CBL: variants seen among roughly 807,000 people sequenced by gnomAD.
CBL encodes the protein E3 ubiquitin-protein ligase CBL.
A neutral mutation model predicts 96.9 loss-of-function variants in CBL; 45 were observed. The observed-to-expected ratio is 0.46, with a 90% confidence interval of 0.37 to 0.60. CBL has a LOEUF of 0.60. Ranked by LOEUF, CBL falls within the 20% of genes least tolerant of loss-of-function variation. CBL has a pLI of 0.00. For synonymous variants in CBL, 420 were observed against 426.8 expected, an observed-to-expected ratio of 0.98 and a Z score of 0.20; for missense variants, 1,024 against 1,143.5, an observed-to-expected ratio of 0.90 and a Z score of 1.51.
intron 2 of CBL, among the ~76,000 whole-genome samples, chr11:119,255,617 A>G (rs1949705526): frequency 6.6e-6 from 1 of 152,110 alleles, no homozygotes; most frequent in Non-Finnish European, 1.5e-5. Flanking sequence ...TGGTAAGTCA[A>G]GCTAGTACAT....
In CBL at chr11:119,249,066, A is replaced by G. The variant is rs75127855; in HGVS notation, c.443+16371A>G. On this transcript the variant is annotated intron_variant, in intron 2 of 15. Coordinates refer to ENST00000264033, the MANE Select transcript of CBL (RefSeq NM_005188.4). ...TTAGAAAGCTGAACATAGAATTACC[A>G]TAGGATCTAGCAGTTCTTCTAGGTA... Among the ~76,000 whole-genome samples, 697 of 152,330 alleles carry G rather than the reference A, an allele frequency of 4.6e-3. 22 individuals are homozygous for G. Among genetic ancestry groups the G allele is most frequent in the East Asian group, 0.04 (205 of 5,184 alleles).
intron 2 of CBL, among the ~76,000 whole-genome samples, chr11:119,264,773 A>G (rs1949788504): frequency 6.6e-6 from 1 of 152,042 alleles, no homozygotes; most frequent in South Asian, 2.1e-4. Flanking sequence ...ATAAGGCACC[A>G]TGCCCAACCT....
intron 2 of CBL, among the ~76,000 whole-genome samples, chr11:119,263,304 G>C (rs1169440780): frequency 6.6e-6 from 1 of 152,174 alleles, no homozygotes; most frequent in Non-Finnish European, 1.5e-5. Context: ...TAATTGAGAA[G>C]TCATTAAAGA....
At chr11:119,274,980 A>T (rs759928015) in intron 5 of CBL, 27 bp downstream of exon 5, 1 of 1,601,690 alleles carries the variant, frequency 6.2e-7, no homozygotes, top group East Asian at 2.3e-5. Context: ...AAAGAGATTT[A>T]TTCTTCTGAA....
intron 1 of CBL, among the ~76,000 whole-genome samples, chr11:119,231,480 G>A (rs1325678833): frequency 6.6e-6 from 1 of 151,910 alleles, no homozygotes; most frequent in Admixed American, 6.6e-5. Flanking sequence ...GGAGGCTGAG[G>A]CCAGTGGATC....
rs1176782746 is a variant in CBL at position 119,232,806 on chromosome 11, T to G, written c.443+111T>G. 1.4e-5 allele frequency: 15 copies of G among 1,066,418 alleles called. 1 individual carries two copies. Among genetic ancestry groups the G allele is most frequent in the Middle Eastern group, 2.9e-4 (1 of 3,422 alleles). The allele number at this position is 1,066,418 out of a possible 1,614,324, so 66.1% of individuals were successfully genotyped here. ...ATTTTATGTTAGTAGGAATGGAAAG[T>G]TGACATTTGATTTAAAGGTATAGTT... On this transcript the variant is annotated intron_variant, in intron 2 of 15. Coordinates refer to ENST00000264033, the MANE Select transcript of CBL (RefSeq NM_005188.4).
At chr11:119,283,621 C>CTTT (rs1410071154) in intron 9 of CBL, among the ~76,000 whole-genome samples, 5 of 36,508 alleles carry the variant, frequency 1.4e-4, no homozygotes, top group Non-Finnish European at 2.4e-4. Flanking sequence ...CTTTTTAATT[C>CTTT]TTTCTTTTTT....
At chr11:119,278,946 C>G (rs951301957) in intron 9 of CBL, among the ~76,000 whole-genome samples, 2 of 152,170 alleles carry the variant, frequency 1.3e-5, no homozygotes, top group Admixed American at 1.3e-4. Flanking sequence ...GATGAAGAAA[C>G]TGAGGCACAA....
rs1461378431 is a variant in CBL at position 119,287,907 on chromosome 11, C to T, written c.1997C>T (p.Pro666Leu). 3 of 1,613,588 alleles carry T rather than the reference C, an allele frequency of 1.9e-6. No individual in the cohort carries two copies. The highest frequency in any genetic ancestry group is 1.3e-5 in the African/African-American group (1 of 74,916). Residue 666 changes from proline (P) to leucine (L), a missense_variant, in exon 12 of 16, where the codon CCT becomes CTT. Pro to Leu is a moderately conservative substitution (Grantham distance 98). Transcript: ENST00000264033. The part of the protein sequence containing the change: ...GPECDHPKIK[P>L]SSSANAIYSL... ...GAGTGTGACCACCCCAAAATCAAACCTTCCTCATCTGCCAATGCCATTTAT... is the reference window on the plus strand; with the variant it reads ...GAGTGTGACCACCCCAAAATCAAACTTTCCTCATCTGCCAATGCCATTTAT...
At chr11:119,287,495 AT>A (rs1949992680) in intron 11 of CBL, among the ~76,000 whole-genome samples, 1 of 152,158 alleles carries the variant, frequency 6.6e-6, no homozygotes, top group South Asian at 2.1e-4. Context: ...GTGAGTGTGG[AT>A]TAGGTTTGAC....
At chr11:119,233,988 C>A (rs1319209714) in intron 2 of CBL, among the ~76,000 whole-genome samples, 1 of 151,790 alleles carries the variant, frequency 6.6e-6, no homozygotes, top group African/African-American at 2.4e-5. Context: ...TCCATCTTTT[C>A]TTTCTTTCTT....
chr11:119,225,573 A>AT (rs1202038690), intron 1 of CBL, among the ~76,000 whole-genome samples: 4 of 151,684 alleles, frequency 2.6e-5, no homozygotes, highest in African/African-American at 9.7e-5. Flanking sequence ...AATTTTTGGT[A>AT]TTTTTTGTAG....
At chr11:119,254,154 G>A (rs969980255) in intron 2 of CBL, among the ~76,000 whole-genome samples, 2 of 152,112 alleles carry the variant, frequency 1.3e-5, no homozygotes, top group African/African-American at 4.8e-5. Context: ...TTTGAGACTA[G>A]CCTGTGTAAT....
At chr11:119,272,980 ATTT>A (rs761248677) in intron 3 of CBL, among the ~76,000 whole-genome samples, 1 of 126,102 alleles carries the variant, frequency 7.9e-6, no homozygotes, top group Non-Finnish European at 1.7e-5. Context: ...TTGTCGTTTT[ATTT>A]TTTTTTTTTT....
At chr11:119,284,877 C>A in intron 9 of CBL, 92 bp from the exon 10 acceptor site, 1 of 1,483,492 alleles carries the variant, frequency 6.7e-7, no homozygotes, top group Non-Finnish European at 9.4e-7. Flanking sequence ...TTTAAGTGTT[C>A]CCATGGTATT....
Position 119,299,545 on chromosome 11 carries a change from C to T in CBL, c.2485C>T (p.Arg829Trp), listed in dbSNP as rs761245258. ...CGAGAGGCCTCCAAAACCATTCCCG[C>T]GGAGAATCAACTCTGAACGGAAAGC... is the stretch of plus-strand genomic sequence containing the variant. ...VPERPPKPFP[R>W]RINSERKAGS... Residue 829 changes from arginine to tryptophan, a missense_variant, in exon 16 of 16, where the codon CGG becomes TGG. By Grantham distance (101) the Arg-to-Trp change is moderately radical. This residue lies in a region of CBL where 695 missense variants were observed against 661.6 expected (regional missense o/e 1.05). Coordinates refer to ENST00000264033, the MANE Select transcript of CBL (RefSeq NM_005188.4). 23 of 1,614,140 alleles carry T rather than the reference C, an allele frequency of 1.4e-5. No homozygotes were observed. The East Asian group carries it at 1.8e-4, about 13-fold the overall frequency.
intron 1 of CBL, among the ~76,000 whole-genome samples, chr11:119,212,061 G>A (rs941819780): frequency 2.6e-5 from 4 of 151,654 alleles, no homozygotes; most frequent in Admixed American, 6.6e-5. Context: ...CTGGGATTAC[G>A]GGCATGTGCC....
intron 1 of CBL, among the ~76,000 whole-genome samples, chr11:119,230,896 A>C (rs1360192038): frequency 6.6e-6 from 1 of 152,266 alleles, no homozygotes. Context: ...TAAACTTACC[A>C]GTTAGAAAAC....
intron 2 of CBL, among the ~76,000 whole-genome samples, chr11:119,264,087 A>G (rs1949776070): frequency 3.3e-5 from 5 of 152,234 alleles, no homozygotes. Flanking sequence ...ATAATGTTTT[A>G]CAGCTTTTTT....
Sources: allele counts gnomAD v4.1 joint callset (sites outside exome capture counted in the v4.1 genomes callset), GRCh38; gene constraint gnomAD v4.1.1; regional missense constraint gnomAD v4.1.1; transcripts MANE v1.5; gene names NCBI Gene and HGNC (gene_info 2026-07-23, HGNC 2026-07-21).